The following DCAF8L2 variants were observed in gnomAD, a reference collection of about 807,000 sequenced individuals.
The protein encoded by DCAF8L2 is DDB1 and CUL4 associated factor 8 like 2.
For missense variants in DCAF8L2, 430 were observed against 490.7 expected (o/e 0.88, Z 1.17); for synonymous variants, 200 against 190.9 (o/e 1.05, Z -0.39).
chrX:27,606,221 C>A, intron 1 of DCAF8L2, among the ~76,000 whole-genome samples: 3 of 57,794 alleles, frequency 5.2e-5, no homozygotes, highest in African/African-American at 1.1e-4. Context: ...TTTTTAATTC[C>A]TAGATACAAA....
the DCAF8L2 span, among the ~76,000 whole-genome samples, chrX:27,566,958 C>T: frequency 9.0e-6 from 1 of 110,835 alleles, no homozygotes; most frequent in African/African-American, 3.3e-5. Flanking sequence ...TTTCAAATTC[C>T]GTTTTGATTT....
the DCAF8L2 span, among the ~76,000 whole-genome samples, chrX:27,580,370 T>C: frequency 3.6e-5 from 4 of 111,451 alleles, no homozygotes; most frequent in Admixed American, 9.6e-5. Context: ...GTAAGGAAGA[T>C]GAGGTTTAAA....
chrX:27,697,413 A>G (rs1417152064), intron 3 of DCAF8L2, among the ~76,000 whole-genome samples: 2 of 111,480 alleles, frequency 1.8e-5, no homozygotes, highest in Non-Finnish European at 3.8e-5. Flanking sequence ...ATGATGTCCA[A>G]TAATGTGTGA....
At chrX:27,604,910 T>A (rs1926804952) in intron 1 of DCAF8L2, among the ~76,000 whole-genome samples, 1 of 112,089 alleles carries the variant, frequency 8.9e-6, no homozygotes, top group Non-Finnish European at 1.9e-5. Context: ...AAGGTAAAGA[T>A]ATATTTTTCT....
At chrX:27,547,203 A>G in the DCAF8L2 span, among the ~76,000 whole-genome samples, 7 of 111,925 alleles carry the variant, frequency 6.3e-5, no homozygotes, top group African/African-American at 2.3e-4. Context: ...CCTCATCTCC[A>G]TTTGAGACCA....
chrX:27,677,077 G>A (rs1930163965), intron 2 of DCAF8L2: 1 of 111,727 alleles, frequency 9.0e-6, no homozygotes, highest in Non-Finnish European at 1.9e-5. Context: ...AAACCCTGTT[G>A]AAATTGAAAT....
chrX:27,579,658 A>ACACACT, the DCAF8L2 span, among the ~76,000 whole-genome samples: 3 of 107,775 alleles, frequency 2.8e-5, no homozygotes, highest in Admixed American at 1.0e-4. Context: ...ACACACACAC[A>ACACACT]CACAAATATA....
chrX:27,588,242 G>T (rs1241232851), upstream of DCAF8L2, among the ~76,000 whole-genome samples: 1 of 109,241 alleles, frequency 9.2e-6, no homozygotes, highest in Non-Finnish European at 1.9e-5. Flanking sequence ...TAAGTGAGAA[G>T]GTACGGCATT....
At chrX:27,646,262 C>G (rs1351961191) in intron 2 of DCAF8L2, among the ~76,000 whole-genome samples, 1 of 111,315 alleles carries the variant, frequency 9.0e-6, no homozygotes, top group Non-Finnish European at 1.9e-5. Flanking sequence ...TAAGCCCACA[C>G]ACTTACAACT....
intron 1 of DCAF8L2, among the ~76,000 whole-genome samples, chrX:27,603,791 G>A (rs1926755863): frequency 1.8e-5 from 2 of 111,568 alleles, no homozygotes; most frequent in South Asian, 3.7e-4. Flanking sequence ...GACTTGGAAG[G>A]TTAGATAGCT....
At chrX:27,707,414 A>T (rs896338324) in intron 3 of DCAF8L2, among the ~76,000 whole-genome samples, 1 of 111,676 alleles carries the variant, frequency 9.0e-6, no homozygotes, top group Non-Finnish European at 1.9e-5. Flanking sequence ...AAATGGGTAG[A>T]TGGCTAGAGA....
At chrX:27,555,356 A>G in the DCAF8L2 span, among the ~76,000 whole-genome samples, 4 of 111,991 alleles carry the variant, frequency 3.6e-5, no homozygotes, top group African/African-American at 1.3e-4. Flanking sequence ...TCAACCCCTA[A>G]GAGAGAACAT....
chrX:27,652,878 G>T (rs1929204491), intron 2 of DCAF8L2, among the ~76,000 whole-genome samples: 1 of 111,652 alleles, frequency 9.0e-6, no homozygotes, highest in Admixed American at 9.5e-5. Flanking sequence ...TTATTTTTTA[G>T]GCAAATTACA....
chrX:27,716,509 CT>C (rs1931706608), intron 4 of DCAF8L2, among the ~76,000 whole-genome samples: 1 of 111,890 alleles, frequency 8.9e-6, no homozygotes. Flanking sequence ...ACAACCTTTT[CT>C]TTATGTTTAC....
the DCAF8L2 span, among the ~76,000 whole-genome samples, chrX:27,535,906 T>C: frequency 8.9e-6 from 1 of 111,956 alleles, no homozygotes; most frequent in African/African-American, 3.2e-5. Context: ...TTCATTAATA[T>C]AAAGAACAAA....
chrX:27,578,244 A>G, the DCAF8L2 span, among the ~76,000 whole-genome samples: 1 of 111,595 alleles, frequency 9.0e-6, no homozygotes, highest in African/African-American at 3.3e-5. Flanking sequence ...TAAGGATCTC[A>G]GAAATAAGAC....
chrX:27,507,991 A>T, the DCAF8L2 span, among the ~76,000 whole-genome samples: 1 of 111,898 alleles, frequency 8.9e-6, no homozygotes, highest in South Asian at 3.6e-4. Context: ...ATATAAGTTC[A>T]TGTAAGCATA....
At chrX:27,504,272 A>G in the DCAF8L2 span, among the ~76,000 whole-genome samples, 4 of 112,187 alleles carry the variant, frequency 3.6e-5, no homozygotes, top group Non-Finnish European at 7.5e-5. Context: ...TGCAGCAAGA[A>G]AAATTATTTT....
the DCAF8L2 span, among the ~76,000 whole-genome samples, chrX:27,514,709 C>CA: frequency 3.8e-5 from 2 of 52,797 alleles, no homozygotes; most frequent in African/African-American, 7.8e-5. Flanking sequence ...AAAAAAAAAA[C>CA]AGAGTGAAAT....
Sources: allele counts gnomAD v4.1 joint callset (sites outside exome capture counted in the v4.1 genomes callset), GRCh38; gene constraint gnomAD v4.1.1; transcripts MANE v1.5; gene names NCBI Gene and HGNC (gene_info 2026-07-23, HGNC 2026-07-21).